Variants in KIRREL3 observed in about 807,000 individuals in gnomAD.
KIRREL3 encodes kirre like nephrin family adhesion molecule 3.
KIRREL3 carries 36 observed loss-of-function variants against 89.7 expected under a neutral mutation model. That is an observed-to-expected ratio of 0.40 (90% CI 0.31 to 0.53). KIRREL3 has a LOEUF of 0.53. Ranked by LOEUF, KIRREL3 falls within the 20% of genes least tolerant of loss-of-function variation. KIRREL3 has a pLI of 0.49. For synonymous variants in KIRREL3, 445 were observed against 441.4 expected, an observed-to-expected ratio of 1.01 and a Z score of -0.10; for missense variants, 864 against 1,056.6, an observed-to-expected ratio of 0.82 and a Z score of 2.53.
At chr11:126,862,065 G>A (rs1479798851) in intron 1 of KIRREL3, among the ~76,000 whole-genome samples, 2 of 152,212 alleles carry the variant, frequency 1.3e-5, no homozygotes, top group Non-Finnish European at 2.9e-5. Context: ...AGCCACAGCC[G>A]AGTGAAGGCG....
At chr11:126,465,887 A>ATCCAG (rs1956706864) in intron 5 of KIRREL3, among the ~76,000 whole-genome samples, 1 of 152,254 alleles carries the variant, frequency 6.6e-6, no homozygotes, top group Non-Finnish European at 1.5e-5. Context: ...AGTGATAATA[A>ATCCAG]GAACAATTTC....
intron 1 of KIRREL3, among the ~76,000 whole-genome samples, chr11:126,864,821 A>C (rs896929500): frequency 1.3e-5 from 2 of 152,214 alleles, no homozygotes; most frequent in Admixed American, 1.3e-4. Flanking sequence ...CCAGGCCACA[A>C]GGGCTACTTT....
intron 1 of KIRREL3, among the ~76,000 whole-genome samples, chr11:126,923,129 C>CTCCTTCTCCTTCTCCTTCTCCT (rs1246765425): frequency 7.8e-5 from 2 of 25,732 alleles, no homozygotes; most frequent in African/African-American, 1.9e-4. Context: ...TCTCCTTCTT[C>CTCCTTCTCCTTCTCCTTCTCCT]TCTTCTTCTT....
At chr11:126,951,470 T>C (rs1046970598) in intron 1 of KIRREL3, among the ~76,000 whole-genome samples, 1 of 152,174 alleles carries the variant, frequency 6.6e-6, no homozygotes, top group Non-Finnish European at 1.5e-5. Context: ...CACTGATCAG[T>C]GTGAGAAGGA....
At chr11:126,857,953 C>T (rs758126341) in intron 1 of KIRREL3, among the ~76,000 whole-genome samples, 17 of 152,134 alleles carry the variant, frequency 1.1e-4, no homozygotes, top group Non-Finnish European at 2.1e-4. Flanking sequence ...AGCCTTGCCC[C>T]AGACAGCCAC....
chr11:126,923,237 C>A lies in KIRREL3; in HGVS notation c.55+77218G>T, dbSNP rs1190146021. On this transcript the variant is annotated intron_variant, in intron 1 of 16. Coordinates refer to ENST00000525144, the MANE Select transcript of KIRREL3 (RefSeq NM_032531.4). The stretch of plus-strand genomic sequence containing the variant: ...TCTTCTTCTTCTTCTTCTTCTTCTT[C>A]TTCTTCTTCTTCTTCTTCTTCTTCT... Among the ~76,000 whole-genome samples the A allele has an allele frequency of 3.7e-5, 2 of 54,004 alleles. 1 individual carries two copies. Among genetic ancestry groups the A allele is most frequent in the Non-Finnish European group, 7.7e-5 (2 of 25,886 alleles). 35.4% of individuals were successfully genotyped at this position (54,004 alleles called of 152,430 possible). A position where few individuals can be genotyped will look rare whatever the true frequency, so the allele number is the denominator to read the frequency against.
At chr11:126,465,002 C>G (rs1426513522) in intron 5 of KIRREL3, among the ~76,000 whole-genome samples, 1 of 152,188 alleles carries the variant, frequency 6.6e-6, no homozygotes, top group Non-Finnish European at 1.5e-5. Context: ...CTCTCCTGTT[C>G]CTCTTTGCAG....
In KIRREL3 at chr11:126,913,841, G is replaced by T. The variant is rs368583013; in HGVS notation, c.55+86614C>A. Among the ~76,000 whole-genome samples, 10 of 152,146 alleles carry T rather than the reference G, an allele frequency of 6.6e-5. No individual in the cohort carries two copies. The East Asian group carries it at 7.7e-4, about 12-fold the overall frequency. Reference sequence around the variant, plus strand: ...AGAGTGCAGGTGGAGTCTGGGGACCGCATAGCAGAGGAGGGGTCTGTGTGG... The same window carrying T: ...AGAGTGCAGGTGGAGTCTGGGGACCTCATAGCAGAGGAGGGGTCTGTGTGG... On this transcript the variant is annotated intron_variant, in intron 1 of 16. Transcript: ENST00000525144.
intron 1 of KIRREL3, among the ~76,000 whole-genome samples, chr11:126,923,104 C>T (rs74960406): frequency 3.8e-4 from 25 of 65,732 alleles, no homozygotes; most frequent in Admixed American, 1.8e-3. Context: ...TTCTTCTTCT[C>T]CTTCTCCTTC....
intron 1 of KIRREL3, among the ~76,000 whole-genome samples, chr11:126,810,529 C>T (rs1310973378): frequency 1.3e-5 from 2 of 152,114 alleles, no homozygotes; most frequent in African/African-American, 2.4e-5. Flanking sequence ...ATGCTCCTCT[C>T]GTTAGGTTAA....
chr11:126,689,723 GTCAC>G lies in KIRREL3; in HGVS notation c.56-126815_56-126812del, dbSNP rs1488379339. Among the ~76,000 whole-genome samples, 1 of 152,218 alleles carries G rather than the reference GTCAC, an allele frequency of 6.6e-6. No individual in the cohort carries two copies. Among genetic ancestry groups the G allele is most frequent in the African/African-American group, 2.4e-5 (1 of 41,454 alleles). ...AGTGCAACTAGCTACCTGTCTTCCT[GTCAC>G]TTTTCTTTGGCCACCTGGGTCTCAG... On this transcript the variant is annotated intron_variant, in intron 1 of 16. Transcript: ENST00000525144. The surrounding 1 kb of genome is among the most constrained non-coding windows in gnomAD (Gnocchi z 5.2).
chr11:126,436,266 C>G (rs1027483642), intron 12 of KIRREL3, among the ~76,000 whole-genome samples: 2 of 152,208 alleles, frequency 1.3e-5, no homozygotes, highest in Non-Finnish European at 2.9e-5. Flanking sequence ...GCCCCCGACC[C>G]TAGGGATCTG....
At chr11:126,690,143 G>A (rs1946823464) in intron 1 of KIRREL3, among the ~76,000 whole-genome samples, 1 of 152,092 alleles carries the variant, frequency 6.6e-6, no homozygotes, top group Non-Finnish European at 1.5e-5. Flanking sequence ...CTTCAGAATG[G>A]GACCTCTCCT....
chr11:126,517,042 T>C (rs1355971778), intron 4 of KIRREL3, among the ~76,000 whole-genome samples: 1 of 151,642 alleles, frequency 6.6e-6, no homozygotes, highest in Non-Finnish European at 1.5e-5. Context: ...CTCTCCAGCC[T>C]GGGCGACAGA....
At position 126,454,784 on chromosome 11, in the gene KIRREL3, C is replaced by T. The variant is rs892812266; in HGVS notation, c.848+1565G>A. 3.3e-5 allele frequency among the ~76,000 whole-genome samples: 5 copies of T among 152,172 alleles called. No homozygotes were observed. Among genetic ancestry groups the T allele is most frequent in the Non-Finnish European group, 7.4e-5 (5 of 68,024 alleles). ...CACATGATTCTGGGGAGCCTGGAGT[C>T]CCCGGCTCAGAAGGGACCCTGGAGG... is the stretch of plus-strand genomic sequence containing the variant. On this transcript the variant is annotated intron_variant, in intron 7 of 16. Coordinates refer to ENST00000525144, the MANE Select transcript of KIRREL3 (RefSeq NM_032531.4). This position sits in a 1 kb window ranked among gnomAD's most constrained non-coding sequence, Gnocchi z 5.8.
intron 5 of KIRREL3, among the ~76,000 whole-genome samples, chr11:126,466,554 C>G (rs559469800): frequency 6.6e-6 from 1 of 152,220 alleles, no homozygotes; most frequent in Admixed American, 6.5e-5. Flanking sequence ...TCTGCACCCC[C>G]GGGTTTCTCT....
In KIRREL3 at chr11:126,515,349, C is replaced by T. The variant is rs2134410849; in HGVS notation, c.433+5966G>A. On this transcript the variant is annotated intron_variant, in intron 4 of 16. Transcript: ENST00000525144. This position sits in a 1 kb window ranked among gnomAD's most constrained non-coding sequence, Gnocchi z 4.2. ...CCTGTGGTCTCAGCTACTCGGGAGG[C>T]TGAGGTGGGAGGATCGCTTGAGCCA... Among the ~76,000 whole-genome samples the T allele has an allele frequency of 6.6e-6, 1 of 152,236 alleles. No individual in the cohort carries two copies. Among genetic ancestry groups the T allele is most frequent in the African/African-American group, 2.4e-5 (1 of 41,528 alleles).
Position 126,989,252 on chromosome 11 carries a change from G to A in KIRREL3, c.55+11203C>T, listed in dbSNP as rs1297053680. Among the ~76,000 whole-genome samples the A allele has an allele frequency of 6.6e-6, 1 of 152,160 alleles. No homozygotes were observed. Among genetic ancestry groups the A allele is most frequent in the Non-Finnish European group, 1.5e-5 (1 of 68,034 alleles). ...ATGCTGAAGAAGTCACCTGGAATTTGCTAGTAGAACTATCAGTAAAATGAA... is the reference window on the plus strand; with the variant it reads ...ATGCTGAAGAAGTCACCTGGAATTTACTAGTAGAACTATCAGTAAAATGAA... On this transcript the variant is annotated intron_variant, in intron 1 of 16. Coordinates refer to ENST00000525144, the MANE Select transcript of KIRREL3 (RefSeq NM_032531.4). The surrounding 1 kb of genome is among the most constrained non-coding windows in gnomAD (Gnocchi z 6.2).
In KIRREL3 at chr11:126,983,627, G is replaced by A. The variant is rs567288387; in HGVS notation, c.55+16828C>T. Among the ~76,000 whole-genome samples the A allele has an allele frequency of 2.2e-4, 34 of 152,144 alleles. No individual in the cohort carries two copies. The highest frequency in any genetic ancestry group is 3.4e-4 in the Non-Finnish European group (23 of 68,028). The stretch of plus-strand genomic sequence containing the variant: ...AGGGAGGAAGGGGCCACGAGCCAAG[G>A]AGTGTAGGCACTCTGCCTCTAGAAG... On this transcript the variant is annotated intron_variant, in intron 1 of 16. Transcript: ENST00000525144. The surrounding 1 kb of genome is among the most constrained non-coding windows in gnomAD (Gnocchi z 4.9).
Sources: allele counts gnomAD v4.1 joint callset (sites outside exome capture counted in the v4.1 genomes callset), GRCh38; gene constraint gnomAD v4.1.1; non-coding constraint Gnocchi (gnomAD v3.1); transcripts MANE v1.5; gene names NCBI Gene and HGNC (gene_info 2026-07-23, HGNC 2026-07-21).